NEK7: variants seen among roughly 807,000 people sequenced by gnomAD.
The protein encoded by NEK7 is serine/threonine-protein kinase Nek7.
A neutral mutation model predicts 44.6 loss-of-function variants in NEK7; 18 were observed. That is an observed-to-expected ratio of 0.40 (90% CI 0.28 to 0.60). The LOEUF is 0.60. Among genes scored for constraint, NEK7 ranks in the 20% least tolerant of loss-of-function variants. NEK7 has a pLI of 0.38. For synonymous variants in NEK7, 130 were observed against 121.1 expected (o/e 1.07, Z -0.48); for missense variants, 256 against 366.5 (o/e 0.70, Z 2.46).
At chr1:198,297,355 T>C in intron 9 of NEK7, 115 bp downstream of exon 9, 1 of 1,262,440 alleles carries the variant, frequency 7.9e-7, no homozygotes, top group Non-Finnish European at 1.1e-6. Flanking sequence ...GTAGCAGAAC[T>C]AGCACTTTTT....
intron 1 of NEK7, among the ~76,000 whole-genome samples, chr1:198,208,353 G>T (rs1558056524): frequency 6.6e-6 from 1 of 152,106 alleles, no homozygotes; most frequent in African/African-American, 2.4e-5. Flanking sequence ...TAATTTTAGG[G>T]TTTGAATAAA....
At chr1:198,277,630 T>C (rs1201945045) in intron 5 of NEK7, 1 of 171,422 alleles carries the variant, frequency 5.8e-6, no homozygotes, top group African/African-American at 2.4e-5. Flanking sequence ...ATCTAGACTT[T>C]TTTATTCTGG....
chr1:198,183,213 A>G (rs2102748564), intron 1 of NEK7, among the ~76,000 whole-genome samples: 1 of 152,242 alleles, frequency 6.6e-6, no homozygotes, highest in South Asian at 2.1e-4. Context: ...GTAGCCTGAA[A>G]CTTCAGATTT....
intron 1 of NEK7, among the ~76,000 whole-genome samples, chr1:198,213,845 AG>A (rs1332976665): frequency 2.0e-5 from 3 of 152,154 alleles, no homozygotes; most frequent in Non-Finnish European, 4.4e-5. Flanking sequence ...CTTTAGCTAC[AG>A]GCAGTTTTAC....
chr1:198,173,702 G>T (rs1289616330), intron 1 of NEK7, among the ~76,000 whole-genome samples: 1 of 151,946 alleles, frequency 6.6e-6, no homozygotes, highest in East Asian at 1.9e-4. Flanking sequence ...AAATTTAACT[G>T]CTGTCAATTA....
chr1:198,243,014 C>T lies in NEK7; in HGVS notation c.58-10026C>T, dbSNP rs547261542. Among the ~76,000 whole-genome samples the T allele has an allele frequency of 2.6e-5, 4 of 152,140 alleles. No homozygotes were observed. In the South Asian group the frequency reaches 8.3e-4, roughly 32 times the overall value. On this transcript the variant is annotated intron_variant, in intron 2 of 9. Transcript: ENST00000367385. The stretch of plus-strand genomic sequence containing the variant: ...AACCTCATTTCTAACCATGGTCTCC[C>T]TTGCTCACCGTACTCCAGCCACAGT...
intron 9 of NEK7, among the ~76,000 whole-genome samples, chr1:198,309,284 G>A (rs72731944): frequency 0.046 from 6,933 of 152,022 alleles, 246 homozygotes; most frequent in Middle Eastern, 0.071. Flanking sequence ...GAAGCAGTTT[G>A]GCAAGCACAG....
chr1:198,310,572 A>T (rs80159224), intron 9 of NEK7, among the ~76,000 whole-genome samples: 66,559 of 135,808 alleles, frequency 0.49, 19,723 homozygotes, highest in East Asian at 0.89. Flanking sequence ...TTTTATGGTT[A>T]TAGGTCTAAC....
At chr1:198,289,668 A>G (rs1654485803) in intron 7 of NEK7, among the ~76,000 whole-genome samples, 1 of 152,162 alleles carries the variant, frequency 6.6e-6, no homozygotes, top group Admixed American at 6.6e-5. Flanking sequence ...TTTTTCATTC[A>G]AATTTTTGCA....
intron 5 of NEK7, among the ~76,000 whole-genome samples, chr1:198,276,280 C>T (rs187889600): frequency 1.7e-3 from 255 of 151,650 alleles, no homozygotes; most frequent in Middle Eastern, 6.8e-3. Flanking sequence ...ATTTCAAAAT[C>T]CGTATTAAAG....
intron 2 of NEK7, among the ~76,000 whole-genome samples, chr1:198,247,422 G>A (rs1666863429): frequency 6.6e-6 from 1 of 152,260 alleles, no homozygotes; most frequent in South Asian, 2.1e-4. Flanking sequence ...CATTCACTTG[G>A]TTTGATGACA....
At chr1:198,314,717 AGG>A in intron 9 of NEK7, among the ~76,000 whole-genome samples, 1 of 152,254 alleles carries the variant, frequency 6.6e-6, no homozygotes. Flanking sequence ...ATGCCCCTGC[AGG>A]GGGGTGCCTC....
At chr1:198,300,087 G>T (rs2103018159) in intron 9 of NEK7, among the ~76,000 whole-genome samples, 1 of 152,170 alleles carries the variant, frequency 6.6e-6, no homozygotes, top group Non-Finnish European at 1.5e-5. Flanking sequence ...ATTTATTTCT[G>T]ATTTCTTTTG....
intron 2 of NEK7, among the ~76,000 whole-genome samples, chr1:198,240,725 T>C (rs1666663387): frequency 6.6e-6 from 1 of 152,234 alleles, no homozygotes; most frequent in Admixed American, 6.5e-5. Flanking sequence ...AGTCCTGCTC[T>C]GTCACCTAGG....
rs552891986 is a variant in NEK7, at chr1:198,305,027, C to A, written c.798+7787C>A. On this transcript the variant is annotated intron_variant, in intron 9 of 9. Coordinates refer to ENST00000367385, the MANE Select transcript of NEK7 (RefSeq NM_133494.3). ...ACATATAAAACAATTTTTATAAAAGCAACAAAGTAGACATTTTTTACAAAC... is the reference window on the plus strand; with the variant it reads ...ACATATAAAACAATTTTTATAAAAGAAACAAAGTAGACATTTTTTACAAAC... Among the ~76,000 whole-genome samples, 4 of 152,104 alleles carry A rather than the reference C, an allele frequency of 2.6e-5. No homozygotes were observed. In the East Asian group the frequency reaches 7.7e-4, roughly 29 times the overall value.
intron 1 of NEK7, among the ~76,000 whole-genome samples, chr1:198,158,147 T>C (rs1376299700): frequency 6.6e-6 from 1 of 152,144 alleles, no homozygotes; most frequent in East Asian, 1.9e-4. Flanking sequence ...CGCGGAGAGA[T>C]GATGTATCGT....
At chr1:198,240,020 A>C (rs978602458) in intron 2 of NEK7, among the ~76,000 whole-genome samples, 14 of 152,236 alleles carry the variant, frequency 9.2e-5, no homozygotes, top group Non-Finnish European at 2.1e-4. Context: ...TACAGTAAAA[A>C]TATGGTTTTG....
chr1:198,232,515 G>C (rs183272896), intron 1 of NEK7, 38 bp from the exon 2 acceptor site: 1 of 917,008 alleles, frequency 1.1e-6, no homozygotes, highest in Non-Finnish European at 1.8e-6. Flanking sequence ...AATTGGTAAT[G>C]ATTACATTAT....
intron 1 of NEK7, among the ~76,000 whole-genome samples, chr1:198,183,538 C>CTTGAATA (rs1165622454): frequency 1.3e-5 from 2 of 152,074 alleles, no homozygotes; most frequent in Non-Finnish European, 2.9e-5. Context: ...AAATATTATA[C>CTTGAATA]TTTGAAATGT....
Sources: gnomAD v4.1 joint callset for allele counts (sites outside exome capture counted in the v4.1 genomes callset) on GRCh38, gnomAD v4.1.1 for gene constraint, MANE v1.5 for transcripts, NCBI Gene and HGNC (gene_info 2026-07-23, HGNC 2026-07-21) for gene names.